ABAT: variants seen among roughly 807,000 people sequenced by gnomAD.
The protein encoded by ABAT is 4-aminobutyrate aminotransferase, mitochondrial.
In ABAT, 45 loss-of-function variants were observed where a neutral mutation model predicts 64.6. That is an observed-to-expected ratio of 0.70 (90% CI 0.55 to 0.89). The LOEUF (loss-of-function observed/expected upper bound fraction) is 0.89, where lower values mean the gene tolerates loss of function less well. Among genes scored for constraint, ABAT ranks in the 40% least tolerant of loss-of-function variants. The probability of loss-of-function intolerance (pLI) is 0.00; values close to 1 mark genes in which losing one functional copy is unlikely to be tolerated. For synonymous variants in ABAT, 297 were observed against 250.5 expected (o/e 1.19, Z -1.75); for missense variants, 633 against 658.4 (o/e 0.96, Z 0.42).
chr16:8,734,075 T>C (rs1468241199), intron 1 of ABAT, among the ~76,000 whole-genome samples: 1 of 152,200 alleles, frequency 6.6e-6, no homozygotes, highest in African/African-American at 2.4e-5. Context: ...TTGGCTATTG[T>C]GAATAATGCT....
At chr16:8,754,244 A>T (rs2059578380) in intron 5 of ABAT, among the ~76,000 whole-genome samples, 1 of 148,378 alleles carries the variant, frequency 6.7e-6, no homozygotes, top group South Asian at 2.1e-4. Context: ...AATCCCAGCT[A>T]TTCGGGAGGC....
intron 1 of ABAT, among the ~76,000 whole-genome samples, chr16:8,689,430 C>G (rs2057530621): frequency 6.6e-6 from 1 of 152,208 alleles, no homozygotes; most frequent in South Asian, 2.1e-4. Flanking sequence ...AAAGAGACTG[C>G]ACCAATCAAG....
chr16:8,702,653 A>C (rs899067256), intron 1 of ABAT, among the ~76,000 whole-genome samples: 1 of 152,186 alleles, frequency 6.6e-6, no homozygotes, highest in African/African-American at 2.4e-5. Context: ...CCCATGATCC[A>C]GTCCCCTCCC....
intron 1 of ABAT, among the ~76,000 whole-genome samples, chr16:8,703,313 G>T (rs868577546): frequency 6.6e-6 from 1 of 151,912 alleles, no homozygotes; most frequent in Non-Finnish European, 1.5e-5. Flanking sequence ...AAAATTAGCC[G>T]GGCGTGGTGG....
chr16:8,778,392 T>C (rs1315342052), intron 14 of ABAT, among the ~76,000 whole-genome samples: 3 of 152,126 alleles, frequency 2.0e-5, no homozygotes, highest in Non-Finnish European at 4.4e-5. Flanking sequence ...TTCCTTGACG[T>C]GTGGAGGCTT....
chr16:8,733,031 C>T (rs534853889), intron 1 of ABAT, among the ~76,000 whole-genome samples: 1,578 of 146,394 alleles, frequency 0.011, 76 homozygotes, highest in African/African-American at 0.024. Context: ...GGGGGCTGAT[C>T]CCCCCACCTC....
intron 1 of ABAT, among the ~76,000 whole-genome samples, chr16:8,699,607 G>A (rs2142015264): frequency 6.6e-6 from 1 of 152,234 alleles, no homozygotes; most frequent in South Asian, 2.1e-4. Flanking sequence ...TGTCACCCAG[G>A]CTGGAGTGCA....
chr16:8,778,595 T>C (rs997949087), intron 14 of ABAT, among the ~76,000 whole-genome samples: 1 of 150,454 alleles, frequency 6.6e-6, no homozygotes, highest in Non-Finnish European at 1.5e-5. Flanking sequence ...GCCTACATTG[T>C]GAAACCAGTT....
rs1482333751 is a variant in ABAT, at chr16:8,757,823, C to T, written c.366+17C>T. On this transcript the variant is annotated intron_variant, in intron 6 of 15. Coordinates refer to ENST00000268251, the MANE Select transcript of ABAT (RefSeq NM_020686.6). Reference sequence around the variant, plus strand: ...CAAAATGCGGTAGGTCTTGGGGTTACACAGAAGAAAGACAAAATATGTTCA... The same window carrying T: ...CAAAATGCGGTAGGTCTTGGGGTTATACAGAAGAAAGACAAAATATGTTCA... The T allele has an allele frequency of 3.1e-6, 5 of 1,613,404 alleles. No individual in the cohort carries two copies. The highest frequency in any genetic ancestry group is 3.4e-6 in the Non-Finnish European group (4 of 1,179,410).
In ABAT at chr16:8,772,877, C is replaced by A; in HGVS notation, c.914C>A (p.Ser305Tyr). 6.2e-7 allele frequency: 1 copy of A among 1,613,940 alleles called. No individual in the cohort carries two copies. Among genetic ancestry groups the A allele is most frequent in the Non-Finnish European group, 8.5e-7 (1 of 1,179,950 alleles). Residue 305 changes from serine (S) to tyrosine (Y), a missense_variant, in exon 12 of 16, where the codon TCC becomes TAC. Physicochemically the swap from Ser to Tyr is moderately radical, Grantham distance 144. Coordinates refer to ENST00000268251, the MANE Select transcript of ABAT (RefSeq NM_020686.6). ...TCCGAGGGTGGAGACAACCACGCATCCGATGACTTCTTTCGGAAGCTGAGA... is the reference window on the plus strand; with the variant it reads ...TCCGAGGGTGGAGACAACCACGCATACGATGACTTCTTTCGGAAGCTGAGA... ...IQSEGGDNHA[S>Y]DDFFRKLRDI...
chr16:8,682,186 TACACACACACACACAC>T (rs55951090), intron 1 of ABAT, among the ~76,000 whole-genome samples: 10 of 131,456 alleles, frequency 7.6e-5, no homozygotes, highest in Non-Finnish European at 1.1e-4. Flanking sequence ...CCTAACAGGA[TACACACACACACACAC>T]ACACACACAC....
intron 1 of ABAT, among the ~76,000 whole-genome samples, chr16:8,701,860 C>CT (rs1385955714): frequency 6.6e-6 from 1 of 151,558 alleles, no homozygotes; most frequent in Admixed American, 6.6e-5. Flanking sequence ...CAGGAGCAGG[C>CT]TCTTGGGTCA....
At chr16:8,677,992 C>T (rs183193039) in intron 1 of ABAT, among the ~76,000 whole-genome samples, 75 of 151,714 alleles carry the variant, frequency 4.9e-4, no homozygotes, top group African/African-American at 1.6e-3. Flanking sequence ...CCGGGGAGGT[C>T]GAAGCTGCAG....
chr16:8,728,658 A>G (rs570061273), intron 1 of ABAT, among the ~76,000 whole-genome samples: 1 of 152,046 alleles, frequency 6.6e-6, no homozygotes, highest in African/African-American at 2.4e-5. Flanking sequence ...GGTGGATCAC[A>G]AGGTCAGGAG....
At chr16:8,685,682 A>G (rs1019630444) in intron 1 of ABAT, among the ~76,000 whole-genome samples, 1 of 152,154 alleles carries the variant, frequency 6.6e-6, no homozygotes, top group Non-Finnish European at 1.5e-5. Context: ...TCTCAAAACA[A>G]AAACAAAAAA....
chr16:8,745,862 A>T, intron 2 of ABAT, 139 bp from the exon 3 acceptor site: 1 of 782,008 alleles, frequency 1.3e-6, no homozygotes, highest in Non-Finnish European at 2.2e-6. Context: ...GTCCAGACAC[A>T]GTGTTCTGGG....
At chr16:8,734,778 G>A (rs928088078) in intron 1 of ABAT, among the ~76,000 whole-genome samples, 1 of 152,050 alleles carries the variant, frequency 6.6e-6, no homozygotes, top group African/African-American at 2.4e-5. Context: ...CAGGTTTTTA[G>A]CAGAAAGATG....
At chr16:8,683,282 C>G (rs2057376696) in intron 1 of ABAT, 1 of 153,402 alleles carries the variant, frequency 6.5e-6, no homozygotes, top group Non-Finnish European at 1.4e-5. Context: ...TGCCTGTAGT[C>G]CCAGCTACTC....
chr16:8,705,029 A>G (rs980989782), intron 1 of ABAT, among the ~76,000 whole-genome samples: 4 of 151,958 alleles, frequency 2.6e-5, no homozygotes, highest in Non-Finnish European at 4.4e-5. Flanking sequence ...CTATTCCTTC[A>G]TGTAGTATTG....
Sources: gnomAD v4.1 joint callset for allele counts (sites outside exome capture counted in the v4.1 genomes callset) on GRCh38, gnomAD v4.1.1 for gene constraint, MANE v1.5 for transcripts, NCBI Gene and HGNC (gene_info 2026-07-23, HGNC 2026-07-21) for gene names.